The following VEPH1 variants were observed in gnomAD, a reference collection of about 807,000 sequenced individuals.
VEPH1 encodes ventricular zone expressed PH domain containing 1, also known as ventricular zone-expressed PH domain-containing protein homolog 1.
In VEPH1, 80 loss-of-function variants were observed where a neutral mutation model predicts 85.2. The ratio of observed to expected loss-of-function variants is 0.94; its 90% CI spans 0.78 to 1.13. VEPH1 has a LOEUF of 1.13. VEPH1 is among the 50% of genes most tolerant of loss of function. The probability of loss-of-function intolerance (pLI) is 0.00; values close to 1 mark genes in which losing one functional copy is unlikely to be tolerated. For synonymous variants in VEPH1, 297 were observed against 348.0 expected, an observed-to-expected ratio of 0.85 and a Z score of 1.63; for missense variants, 955 against 980.5, an observed-to-expected ratio of 0.97 and a Z score of 0.35.
At chr3:157,261,402 T>C in intron 13 of VEPH1, 32 bp from the exon 14 acceptor site, 1 of 1,607,072 alleles carries the variant, frequency 6.2e-7, no homozygotes, top group Admixed American at 1.7e-5. Context: ...GAACATGGGC[T>C]GGCTGTTACT....
Position 157,364,369 on chromosome 3 carries a change from C to A in VEPH1, c.1271G>T (p.Gly424Val). 6.2e-7 allele frequency: 1 copy of A among 1,613,916 alleles called. No individual in the cohort carries two copies. The highest frequency in any genetic ancestry group is 8.5e-7 in the Non-Finnish European group (1 of 1,179,926). Residue 424 changes from glycine to valine, a missense_variant, in exon 8 of 14, where the codon GGC becomes GTC. Physicochemically the swap from Gly to Val is moderately radical, Grantham distance 109. Transcript: ENST00000362010. ...GCCCAGACTATATCTTCTGATAGAG[C>A]CAGGGGTATTGCTCCCTGCATTTAT... ...DKINAGSNTP[G>V]SIRRYSLGQV...
chr3:157,488,561 A>T (rs1427177877), intron 2 of VEPH1, among the ~76,000 whole-genome samples: 1 of 128,452 alleles, frequency 7.8e-6, no homozygotes. Context: ...CTAGTCCTTC[A>T]TCATCTCCTT....
At chr3:157,369,180 G>GAAAAAAAAAAAAACAAAAAAC (rs1727124343) in intron 7 of VEPH1, among the ~76,000 whole-genome samples, 1 of 42,780 alleles carries the variant, frequency 2.3e-5, no homozygotes, top group African/African-American at 8.4e-5. Flanking sequence ...AAAACCAAAT[G>GAAAAAAAAAAAAACAAAAAAC]AAAAAAAAAA....
At chr3:157,400,328 T>C (rs911083307) in intron 6 of VEPH1, among the ~76,000 whole-genome samples, 1 of 152,160 alleles carries the variant, frequency 6.6e-6, no homozygotes, top group Non-Finnish European at 1.5e-5. Flanking sequence ...TTCAGGTCTA[T>C]GCATTTGGCA....
chr3:157,378,519 A>G (rs765860145), intron 7 of VEPH1, among the ~76,000 whole-genome samples: 1 of 151,832 alleles, frequency 6.6e-6, no homozygotes, highest in African/African-American at 2.4e-5. Context: ...GCATATGGCA[A>G]TCTCACAACT....
intron 4 of VEPH1, among the ~76,000 whole-genome samples, chr3:157,438,175 G>A (rs896967939): frequency 8.6e-5 from 13 of 152,036 alleles, no homozygotes; most frequent in African/African-American, 3.1e-4. Context: ...CCTAAAGAGA[G>A]TTGTGGAGGT....
chr3:157,319,976 T>C (rs958205070), intron 9 of VEPH1, among the ~76,000 whole-genome samples: 3 of 152,212 alleles, frequency 2.0e-5, no homozygotes, highest in Admixed American at 1.3e-4. Context: ...AATATTTTTA[T>C]CCTTATTTTT....
intron 13 of VEPH1, among the ~76,000 whole-genome samples, chr3:157,264,580 G>A (rs1027464723): frequency 1.3e-5 from 2 of 152,180 alleles, no homozygotes; most frequent in African/African-American, 4.8e-5. Flanking sequence ...GTGTAACACT[G>A]CCTGATCTTG....
At position 157,460,315 on chromosome 3, in the gene VEPH1, A is replaced by G. The variant is rs765857166; in HGVS notation, c.395T>C (p.Ile132Thr). 1.2e-6 allele frequency: 2 copies of G among 1,614,136 alleles called. No individual in the cohort carries two copies. The highest frequency in any genetic ancestry group is 1.1e-5 in the South Asian group (1 of 91,076). The change falls in exon 4 of 14, where the codon ATT becomes ACT. Residue 132 changes from isoleucine to threonine, a missense_variant. Physicochemically the swap from Ile to Thr is moderately conservative, Grantham distance 89. Coordinates refer to ENST00000362010, the MANE Select transcript of VEPH1 (RefSeq NM_001167912.2). The stretch of plus-strand genomic sequence containing the variant: ...GCCTCTGTGGAGGAATTTCACTGCA[A>G]TGGGGATGGCTAATGCCATCACTGG... ...RPPVMALAIP[I>T]AVKFLHRGNK...
At chr3:157,337,787 G>T (rs942770638) in intron 9 of VEPH1, among the ~76,000 whole-genome samples, 1 of 151,968 alleles carries the variant, frequency 6.6e-6, no homozygotes, top group Admixed American at 6.6e-5. Context: ...GCCTTCTGAG[G>T]GATAAAATGA....
At chr3:157,345,960 A>G (rs537870930) in intron 9 of VEPH1, among the ~76,000 whole-genome samples, 2 of 149,960 alleles carry the variant, frequency 1.3e-5, no homozygotes, top group East Asian at 2.1e-4. Context: ...GTTCTCACTC[A>G]TAGGTGGGAA....
intron 2 of VEPH1, among the ~76,000 whole-genome samples, chr3:157,472,894 A>G (rs1466551423): frequency 6.6e-6 from 1 of 151,690 alleles, no homozygotes; most frequent in African/African-American, 2.4e-5. Flanking sequence ...TATATACCAT[A>G]TTTTCTTTAT....
At chr3:157,376,851 AT>A (rs1433350989) in intron 7 of VEPH1, among the ~76,000 whole-genome samples, 1 of 152,214 alleles carries the variant, frequency 6.6e-6, no homozygotes, top group Non-Finnish European at 1.5e-5. Flanking sequence ...ATTAGATGAC[AT>A]CTGTTTTGAA....
chr3:157,427,351 C>T (rs534964193), intron 5 of VEPH1, among the ~76,000 whole-genome samples: 2 of 152,294 alleles, frequency 1.3e-5, no homozygotes, highest in Middle Eastern at 3.4e-3. Flanking sequence ...AACTCCTGAC[C>T]TTGTGATCCA....
chr3:157,316,772 C>T (rs542709462), intron 10 of VEPH1, among the ~76,000 whole-genome samples: 5 of 152,140 alleles, frequency 3.3e-5, no homozygotes, highest in South Asian at 2.1e-4. Context: ...CTCCCAAATA[C>T]GCTGTTTTTG....
intron 11 of VEPH1, among the ~76,000 whole-genome samples, chr3:157,304,572 A>C (rs1416641907): frequency 1.3e-5 from 2 of 152,112 alleles, no homozygotes; most frequent in Non-Finnish European, 2.9e-5. Flanking sequence ...GAAATTATTA[A>C]TAGTAATCTC....
At position 157,403,270 on chromosome 3, in the gene VEPH1, A is replaced by G. The variant is rs549536614; in HGVS notation, c.906+10611T>C. Among the ~76,000 whole-genome samples, 4 of 152,276 alleles carry G rather than the reference A, an allele frequency of 2.6e-5. No individual in the cohort carries two copies. In the East Asian group the frequency reaches 7.7e-4, roughly 29 times the overall value. On this transcript the variant is annotated intron_variant, in intron 6 of 13. Transcript: ENST00000362010. Reference sequence around the variant, plus strand: ...AAAAATCAAATAACATTAAAAAATAAAAACAAGAACTTAAGCAATAGAAAA... The same window carrying G: ...AAAAATCAAATAACATTAAAAAATAGAAACAAGAACTTAAGCAATAGAAAA...
At chr3:157,405,319 T>G (rs1217184092) in intron 6 of VEPH1, among the ~76,000 whole-genome samples, 1 of 152,194 alleles carries the variant, frequency 6.6e-6, no homozygotes, top group African/African-American at 2.4e-5. Flanking sequence ...TATTTACTAC[T>G]CTACATTTGC....
At chr3:157,412,732 T>C (rs1731625564) in intron 6 of VEPH1, among the ~76,000 whole-genome samples, 1 of 152,106 alleles carries the variant, frequency 6.6e-6, no homozygotes. Flanking sequence ...AGATCCATCC[T>C]CACATTGACA....
Sources: gnomAD v4.1 joint callset for allele counts (sites outside exome capture counted in the v4.1 genomes callset) on GRCh38, gnomAD v4.1.1 for gene constraint, MANE v1.5 for transcripts, NCBI Gene and HGNC (gene_info 2026-07-23, HGNC 2026-07-21) for gene names.